Variants in ATXN1 observed in about 807,000 individuals in gnomAD.
The protein encoded by ATXN1 is ataxin 1.
In ATXN1, 8 loss-of-function variants were observed where a neutral mutation model predicts 56.4. The ratio of observed to expected loss-of-function variants is 0.14; its 90% CI spans 0.08 to 0.26. The LOEUF (loss-of-function observed/expected upper bound fraction) is 0.26. ATXN1 is among the 10% of genes least tolerant of loss of function. The pLI, the probability that ATXN1 is intolerant of heterozygous loss-of-function variation, is 1.00. For missense variants in ATXN1, 987 were observed against 1,106.5 expected, an observed-to-expected ratio of 0.89 and a Z score of 1.53; for synonymous variants, 514 against 494.6, an observed-to-expected ratio of 1.04 and a Z score of -0.52.
intron 6 of ATXN1, among the ~76,000 whole-genome samples, chr6:16,370,331 T>C (rs1246074797): frequency 6.6e-6 from 1 of 152,218 alleles, no homozygotes; most frequent in East Asian, 1.9e-4. Flanking sequence ...TTTTCTTTGC[T>C]AATAGTAATC....
chr6:16,621,878 T>C (rs1490070035), intron 3 of ATXN1, among the ~76,000 whole-genome samples: 1 of 152,222 alleles, frequency 6.6e-6, no homozygotes, highest in Non-Finnish European at 1.5e-5. Context: ...TCAGGCACAC[T>C]GGCTTTGAAT....
chr6:16,432,713 C>CTTCTTCTT (rs1554146816), intron 6 of ATXN1: 11 of 143,836 alleles, frequency 7.6e-5, no homozygotes, highest in African/African-American at 2.8e-4. Context: ...TCTTCTTCTT[C>CTTCTTCTT]TTTTTTTTTT....
At chr6:16,479,657 T>A (rs1275227796) in intron 6 of ATXN1, among the ~76,000 whole-genome samples, 1 of 152,224 alleles carries the variant, frequency 6.6e-6, no homozygotes, top group Non-Finnish European at 1.5e-5. Context: ...CTAGTTCTTA[T>A]CACTATTCAG....
chr6:16,593,819 T>TGA (rs921968323), intron 3 of ATXN1, among the ~76,000 whole-genome samples: 1 of 145,126 alleles, frequency 6.9e-6, no homozygotes, highest in Non-Finnish European at 1.5e-5. Context: ...AAGCAAAAAA[T>TGA]TATATATATG....
intron 5 of ATXN1, among the ~76,000 whole-genome samples, chr6:16,499,141 T>G (rs1262171010): frequency 6.6e-6 from 1 of 152,166 alleles, no homozygotes; most frequent in Non-Finnish European, 1.5e-5. Flanking sequence ...GTTCCTACAT[T>G]TAGGGTATTG....
At chr6:16,621,581 T>G (rs2113801363) in intron 3 of ATXN1, among the ~76,000 whole-genome samples, 1 of 152,064 alleles carries the variant, frequency 6.6e-6, no homozygotes, top group Non-Finnish European at 1.5e-5. Context: ...ATTAGCTGGG[T>G]GTGGTGGTGC....
intron 3 of ATXN1, among the ~76,000 whole-genome samples, chr6:16,616,810 C>T (rs1763222080): frequency 1.3e-5 from 2 of 151,034 alleles, no homozygotes; most frequent in Non-Finnish European, 1.5e-5. Flanking sequence ...ACAGTAGTCT[C>T]CCCATAGCCA....
chr6:16,721,591 C>T (rs1759746432), intron 2 of ATXN1, among the ~76,000 whole-genome samples: 1 of 152,098 alleles, frequency 6.6e-6, no homozygotes, highest in Non-Finnish European at 1.5e-5. Flanking sequence ...CATGCCACTG[C>T]ACTCCAGCCA....
intron 2 of ATXN1, among the ~76,000 whole-genome samples, chr6:16,680,924 G>A (rs1464601037): frequency 1.3e-5 from 2 of 152,118 alleles, no homozygotes; most frequent in South Asian, 2.1e-4. Context: ...TTACATCTAC[G>A]AGAGGTTAGC....
At chr6:16,591,691 C>T (rs1055305464) in intron 3 of ATXN1, among the ~76,000 whole-genome samples, 1 of 152,196 alleles carries the variant, frequency 6.6e-6, no homozygotes, top group African/African-American at 2.4e-5. Flanking sequence ...TCCTTAGGGG[C>T]CCCAGCGAGG....
At chr6:16,677,429 A>T (rs1237867483) in intron 2 of ATXN1, among the ~76,000 whole-genome samples, 7 of 152,230 alleles carry the variant, frequency 4.6e-5, no homozygotes, top group African/African-American at 7.2e-5. Flanking sequence ...ATACTTAGAT[A>T]AAAATTATTT....
chr6:16,743,402 T>C (rs910327873), intron 2 of ATXN1, among the ~76,000 whole-genome samples: 6 of 152,326 alleles, frequency 3.9e-5, no homozygotes, highest in African/African-American at 1.2e-4. Flanking sequence ...ACAGGTGCCA[T>C]AGCTTTTTCC....
intron 3 of ATXN1, among the ~76,000 whole-genome samples, chr6:16,639,867 T>C (rs1763675941): frequency 6.6e-6 from 1 of 152,218 alleles, no homozygotes; most frequent in African/African-American, 2.4e-5. Flanking sequence ...CTCTGAGTAA[T>C]AGCACCAGAA....
At chr6:16,558,245 A>G (rs6899321) in intron 4 of ATXN1, among the ~76,000 whole-genome samples, 88,374 of 149,126 alleles carry the variant, frequency 0.59, 27,700 homozygotes, top group East Asian at 0.78. Flanking sequence ...AGGTTGCAGT[A>G]AGCTGTGACT....
At chr6:16,491,292 T>TACTA (rs1561723529) in intron 5 of ATXN1, among the ~76,000 whole-genome samples, 1 of 128,234 alleles carries the variant, frequency 7.8e-6, no homozygotes, top group Admixed American at 8.1e-5. Flanking sequence ...TTTTTTTTTT[T>TACTA]TTTTTTTTTG....
At chr6:16,617,233 TA>T (rs1252924515) in intron 3 of ATXN1, among the ~76,000 whole-genome samples, 9 of 151,994 alleles carry the variant, frequency 5.9e-5, no homozygotes, top group Non-Finnish European at 1.3e-4. Flanking sequence ...AATGCATTAC[TA>T]AAAAACTAAA....
intron 2 of ATXN1, among the ~76,000 whole-genome samples, chr6:16,751,000 ACT>A (rs1439116512): frequency 1.5e-5 from 2 of 130,680 alleles, no homozygotes; most frequent in African/African-American, 5.9e-5. Flanking sequence ...ATGGAGTCTC[ACT>A]CTGTCGCCCA....
rs142472465 is a variant in ATXN1, at chr6:16,404,237, T to C, written c.-160-75767A>G. On this transcript the variant is annotated intron_variant, in intron 6 of 7. Transcript: ENST00000436367. ...TGGCTTCCACAGGGCCTCTGAAAAGTATACTCTGAAAATATTTTCTTGGAG... is the reference window on the plus strand; with the variant it reads ...TGGCTTCCACAGGGCCTCTGAAAAGCATACTCTGAAAATATTTTCTTGGAG... Among the ~76,000 whole-genome samples the C allele has an allele frequency of 7.2e-4, 109 of 152,294 alleles. 2 individuals carry two copies. The highest frequency in any genetic ancestry group is 2.4e-3 in the African/African-American group (99 of 41,556).
intron 3 of ATXN1, among the ~76,000 whole-genome samples, chr6:16,614,169 A>G (rs1201781091): frequency 6.6e-6 from 1 of 151,732 alleles, no homozygotes; most frequent in Non-Finnish European, 1.5e-5. Context: ...ATGGAATTTC[A>G]TGGTTTTTTT....
Sources: gnomAD v4.1 joint callset for allele counts (sites outside exome capture counted in the v4.1 genomes callset) on GRCh38, gnomAD v4.1.1 for gene constraint, MANE v1.5 for transcripts, NCBI Gene and HGNC (gene_info 2026-07-23, HGNC 2026-07-21) for gene names.